ARHGEF25: variants seen among roughly 807,000 people sequenced by gnomAD.
The protein encoded by ARHGEF25 is Rho guanine nucleotide exchange factor 25, also known as RAC/CDC42 exchange factor.
A neutral mutation model predicts 74.0 loss-of-function variants in ARHGEF25; 42 were observed. That is an observed-to-expected ratio of 0.57 (90% confidence interval 0.44 to 0.73). The LOEUF is 0.73. Ranked by LOEUF, ARHGEF25 falls within the 30% of genes least tolerant of loss-of-function variation. The pLI, the probability that ARHGEF25 is intolerant of heterozygous loss-of-function variation, is 0.00. For synonymous variants in ARHGEF25, 293 were observed against 278.6 expected (o/e 1.05, Z -0.51); for missense variants, 645 against 725.5 (o/e 0.89, Z 1.27).
Position 57,617,068 on chromosome 12 carries a change from T to C in ARHGEF25, c.*174T>C. 1 of 237,278 alleles carries C rather than the reference T, an allele frequency of 4.2e-6. No homozygotes were observed. Among genetic ancestry groups the C allele is most frequent in the Non-Finnish European group, 7.9e-6 (1 of 126,812 alleles). The allele number at this position is 237,278 out of a possible 1,614,324, so 14.7% of individuals were successfully genotyped here. ...ACACCTAGACCCAAGGACTTTTTTC[T>C]GCCCAAGGAACACAGTTTCCTTCAG... is the stretch of plus-strand genomic sequence containing the variant. On this transcript the variant is annotated 3_prime_UTR_variant, in exon 15 of 15. Coordinates refer to ENST00000286494, the MANE Select transcript of ARHGEF25 (RefSeq NM_182947.4).
Position 57,613,682 on chromosome 12 carries a change from C to T in ARHGEF25, c.486-12C>T, listed in dbSNP as rs1884154478. ...ACGCTGAAGTGGGGGCCTCCTCCTGCTTTCATCCTAGGTATGTCCTGAGTG... is the reference window on the plus strand; with the variant it reads ...ACGCTGAAGTGGGGGCCTCCTCCTGTTTTCATCCTAGGTATGTCCTGAGTG... On this transcript the variant is annotated splice_polypyrimidine_tract_variant and intron_variant, in intron 4 of 14. Transcript: ENST00000286494. The T allele has an allele frequency of 2.5e-6, 4 of 1,613,778 alleles. No homozygotes were observed. The highest frequency in any genetic ancestry group is 3.4e-6 in the Non-Finnish European group (4 of 1,179,850).
intron 14 of ARHGEF25, 119 bp from the exon 15 acceptor site, chr12:57,616,665 C>T: frequency 1.0e-6 from 1 of 980,556 alleles, no homozygotes; most frequent in Non-Finnish European, 1.6e-6. Context: ...CTGATAGTCT[C>T]AGACAGTCTA....
At chr12:57,613,666 T>C (rs199936449) in intron 4 of ARHGEF25, 28 bp from the exon 5 acceptor site, 1 of 1,613,168 alleles carries the variant, frequency 6.2e-7, no homozygotes, top group Non-Finnish European at 8.5e-7. Flanking sequence ...GACGCTGAAG[T>C]GGGGGCCTCC....
At position 57,616,463 on chromosome 12, in the gene ARHGEF25, G is replaced by A; in HGVS notation, c.1600G>A (p.Val534Met). The A allele has an allele frequency of 1.2e-6, 2 of 1,614,116 alleles. No homozygotes were observed. The highest frequency in any genetic ancestry group is 1.1e-5 in the South Asian group (1 of 91,078). ...TCTGCTGCTGTCACCCAAAGGGGAG[G>A]TGGCCAGAGCCCTCTTGCCACTGGA... ...PSLLLSPKGE[V>M]ARALLPLDKQ... The change falls in exon 14 of 15, where the codon GTG (valine) becomes ATG (methionine). Residue 534 changes from valine (V) to methionine (M), a missense_variant. Val to Met is a conservative substitution (Grantham distance 21, BLOSUM62 1). Around this residue, in one of 3 missense-constraint regions of ARHGEF25, gnomAD observed 262 missense variants for 256.9 expected, o/e 1.02. Coordinates refer to ENST00000286494, the MANE Select transcript of ARHGEF25 (RefSeq NM_182947.4).
chr12:57,612,853 C>T, intron 1 of ARHGEF25, 77 bp from the exon 2 acceptor site: 1 of 1,554,024 alleles, frequency 6.4e-7, no homozygotes, highest in Non-Finnish European at 8.7e-7. Context: ...GAAGAGAAGA[C>T]CCTGGGAGTT....
Position 57,616,031 on chromosome 12 carries a change from C to T in ARHGEF25, c.1420+14C>T. On this transcript the variant is annotated intron_variant, in intron 13 of 14. Transcript: ENST00000286494. ...ACTTCCTCAACGGTGAAGCTCTCAT[C>T]CTTTCTTCCCGATGTGCTCTCTCAG... The T allele has an allele frequency of 1.9e-6, 3 of 1,604,140 alleles. No individual in the cohort carries two copies. The highest frequency in any genetic ancestry group is 1.3e-5 in the African/African-American group (1 of 74,876).
At chr12:57,612,098 T>G in intron 1 of ARHGEF25, 107 bp downstream of exon 1, 1 of 918,034 alleles carries the variant, frequency 1.1e-6, no homozygotes. Context: ...ACTGTATGTG[T>G]TTTCCAGGAA....
chr12:57,614,489 C>T lies in ARHGEF25; in HGVS notation c.727-27C>T. ...GCGTCCTCCCTCCTTGCCCACCCTG[C>T]TCTCTCTTAAACATTACCCCTGTTA... On this transcript the variant is annotated intron_variant, in intron 7 of 14. Coordinates refer to ENST00000286494, the MANE Select transcript of ARHGEF25 (RefSeq NM_182947.4). This position sits in a 1 kb window ranked among gnomAD's most constrained non-coding sequence, Gnocchi z 4.6. The T allele has an allele frequency of 6.2e-7, 1 of 1,614,040 alleles. No individual in the cohort carries two copies.
In ARHGEF25 at chr12:57,614,857, G is replaced by A; in HGVS notation, c.909+76G>A. On this transcript the variant is annotated intron_variant, in intron 9 of 14. Coordinates refer to ENST00000286494, the MANE Select transcript of ARHGEF25 (RefSeq NM_182947.4). The surrounding 1 kb of genome is among the most constrained non-coding windows in gnomAD (Gnocchi z 4.6). The stretch of plus-strand genomic sequence containing the variant: ...CTCATTCATCTCCCCAGGGTTCTTA[G>A]GGCTCCCCCAGACTTCCTGAGGGCC... 1 of 1,574,028 alleles carries A rather than the reference G, an allele frequency of 6.4e-7. No individual in the cohort carries two copies.
chr12:57,610,142 C>G (rs1012759150), upstream of ARHGEF25: 1 of 779,072 alleles, frequency 1.3e-6, no homozygotes, highest in Non-Finnish European at 2.0e-6. Context: ...ACTCCCCGGA[C>G]GCGCGCAGGC....
chr12:57,610,513 G>C (rs1021215696), upstream of ARHGEF25: 53 of 1,428,436 alleles, frequency 3.7e-5, 1 homozygote, highest in Admixed American at 1.1e-4. Flanking sequence ...GAAGGGGAAG[G>C]GGGAGGTCAG....
At chr12:57,610,465 C>A (rs907074784), upstream of ARHGEF25, 35 of 1,143,756 alleles carry the variant, frequency 3.1e-5, no homozygotes, top group Admixed American at 7.3e-4. Flanking sequence ...CCGTTCTGGG[C>A]GAGCCTTTTA....
chr12:57,611,335 G>T, upstream of ARHGEF25: 1 of 625,162 alleles, frequency 1.6e-6, no homozygotes, highest in Non-Finnish European at 2.0e-6. The surrounding 1 kb of genome is among the most constrained non-coding windows in gnomAD (Gnocchi z 4.5). Flanking sequence ...GGGGCGATCG[G>T]GGCGGGAACC....
chr12:57,610,429 T>C, upstream of ARHGEF25: 2 of 1,073,374 alleles, frequency 1.9e-6, no homozygotes, highest in Non-Finnish European at 2.6e-6. Context: ...CAGGAATACA[T>C]GAATTCTATT....
chr12:57,612,095 GTGT>G (rs1884080983), intron 1 of ARHGEF25, 104 bp downstream of exon 1: 2 of 927,918 alleles, frequency 2.2e-6, no homozygotes, highest in African/African-American at 3.4e-5. Context: ...GAGACTGTAT[GTGT>G]TTTCCAGGAA....
chr12:57,616,094 A>G, intron 13 of ARHGEF25, 77 bp downstream of exon 13: 1 of 1,540,352 alleles, frequency 6.5e-7, no homozygotes, highest in Non-Finnish European at 8.8e-7. Context: ...CCCAGTCTCC[A>G]GTACCTACCC....
Position 57,614,532 on chromosome 12 carries a change from T to A in ARHGEF25, c.743T>A (p.Met248Lys). The A allele has an allele frequency of 6.2e-7, 1 of 1,614,058 alleles. No homozygotes were observed. Among genetic ancestry groups the A allele is most frequent in the Non-Finnish European group, 8.5e-7 (1 of 1,180,002 alleles). ...CCCTGTTAGGAGCGCCGGCTGCATA[T>A]GTATGTGGTGTACTGTCAGAATAAG... is the stretch of plus-strand genomic sequence containing the variant. ...LFIKHERRLH[M>K]YVVYCQNKPK... is the part of the protein sequence containing the mutation. Residue 248 changes from methionine to lysine, a missense_variant, in exon 8 of 15, where the codon ATG becomes AAG. This residue lies in a region of ARHGEF25 where 194 missense variants were observed against 269.4 expected (regional missense o/e 0.72). Coordinates refer to ENST00000286494, the MANE Select transcript of ARHGEF25 (RefSeq NM_182947.4). The surrounding 1 kb of genome is among the most constrained non-coding windows in gnomAD (Gnocchi z 4.6).
rs1565727713 is a variant in ARHGEF25 at position 57,614,990 on chromosome 12, AGCTGGGATGGATACT to A, written c.936_950del (p.Gly313_Ala317del). 1 of 1,614,048 alleles carries A rather than the reference AGCTGGGATGGATACT, an allele frequency of 6.2e-7. No individual in the cohort carries two copies. Among genetic ancestry groups the A allele is most frequent in the East Asian group, 2.2e-5 (1 of 44,864 alleles). ...AGGATTTTCTCAAGTATTACAATAGAGCTGGGATGGATACTGCAGACCTAGAGGTGAGGACCCCAG... is the reference window on the plus strand; with the variant it reads ...AGGATTTTCTCAAGTATTACAATAGAGCAGACCTAGAGGTGAGGACCCCAG... On this transcript the variant is annotated inframe_deletion, in exon 10 of 15. Coordinates refer to ENST00000286494, the MANE Select transcript of ARHGEF25 (RefSeq NM_182947.4). This position sits in a 1 kb window ranked among gnomAD's most constrained non-coding sequence, Gnocchi z 4.6.
Position 57,611,597 on chromosome 12 carries a change from T to G in ARHGEF25, c.-298T>G. On this transcript the variant is annotated 5_prime_UTR_variant, in exon 1 of 15. Transcript: ENST00000286494. The surrounding 1 kb of genome is among the most constrained non-coding windows in gnomAD (Gnocchi z 4.5). ...CAGCCTCCCCTACCATCCCTCCCCC[T>G]TCCACTGGACATCTGGACCCTAGGC... is the stretch of plus-strand genomic sequence containing the variant. 1.0e-6 allele frequency: 1 copy of G among 997,024 alleles called. No homozygotes were observed. The highest frequency in any genetic ancestry group is 6.1e-5 in the Admixed American group (1 of 16,348). The allele number at this position is 997,024 out of a possible 1,614,324, so 61.8% of individuals were successfully genotyped here. A position where few individuals can be genotyped will look rare whatever the true frequency, so the allele number is the denominator to read the frequency against.
Sources: gnomAD v4.1 joint callset for allele counts on GRCh38, gnomAD v4.1.1 for gene constraint, gnomAD v4.1.1 regional missense constraint, Gnocchi (gnomAD v3.1) non-coding constraint, MANE v1.5 for transcripts, NCBI Gene and HGNC (gene_info 2026-07-23, HGNC 2026-07-21) for gene names.